Variants in PRKN observed in about 807,000 individuals in gnomAD.
PRKN encodes the protein parkin RBR E3 ubiquitin protein ligase.
Under a neutral mutation model 59.5 loss-of-function variants are expected in PRKN, and 56 were observed. That is an observed-to-expected ratio of 0.94 (90% confidence interval 0.76 to 1.18). The LOEUF (loss-of-function observed/expected upper bound fraction) is 1.18, where lower values mean the gene tolerates loss of function less well. Ranked by LOEUF, PRKN falls within the 50% of genes most tolerant of loss-of-function variation. The probability of loss-of-function intolerance (pLI) is 0.00; values close to 1 mark genes in which losing one functional copy is unlikely to be tolerated. For missense variants in PRKN, 657 were observed against 596.4 expected (o/e 1.10, Z -1.06); for synonymous variants, 250 against 222.1 (o/e 1.13, Z -1.12).
At chr6:161,757,814 G>T (rs1374169894) in intron 7 of PRKN, among the ~76,000 whole-genome samples, 1 of 86,138 alleles carries the variant, frequency 1.2e-5, no homozygotes, top group Non-Finnish European at 2.4e-5. Flanking sequence ...CTCCAGCCTG[G>T]GCAATAGAGC....
intron 7 of PRKN, among the ~76,000 whole-genome samples, chr6:161,757,020 GA>G (rs375599190): frequency 6.6e-6 from 1 of 151,946 alleles, no homozygotes; most frequent in Non-Finnish European, 1.5e-5. Context: ...GATGCTGTTT[GA>G]AAAAAATAAA....
At chr6:161,828,324 C>T (rs1583215398) in intron 6 of PRKN, among the ~76,000 whole-genome samples, 1 of 152,298 alleles carries the variant, frequency 6.6e-6, no homozygotes, top group South Asian at 2.1e-4. Flanking sequence ...ACATAAAGCA[C>T]CAAAATATTT....
intron 2 of PRKN, among the ~76,000 whole-genome samples, chr6:162,269,018 G>C (rs1780256754): frequency 7.2e-6 from 1 of 138,068 alleles, no homozygotes; most frequent in South Asian, 2.4e-4. Flanking sequence ...AAACAAAAAG[G>C]ATGAAAGTAA....
Position 162,510,496 on chromosome 6 carries a change from G to C in PRKN, c.8-67023C>G, listed in dbSNP as rs569150415. On this transcript the variant is annotated intron_variant, in intron 1 of 11. Coordinates refer to ENST00000366898, the MANE Select transcript of PRKN (RefSeq NM_004562.3). ...GGCCTCCTTGGCCAGCTGCACCGAG[G>C]AAGCAGGGACTGCTCTCTGGGGAGC... 5.9e-5 allele frequency among the ~76,000 whole-genome samples: 9 copies of C among 152,328 alleles called. 1 individual carries two copies. The highest frequency in any genetic ancestry group is 2.2e-4 in the African/African-American group (9 of 41,588).
chr6:161,833,887 C>T (rs543772318), intron 6 of PRKN, among the ~76,000 whole-genome samples: 1 of 152,252 alleles, frequency 6.6e-6, no homozygotes, highest in African/African-American at 2.4e-5. Context: ...TTAGATTATA[C>T]ATGTAGTTTT....
At chr6:162,374,867 A>G (rs1315470236) in intron 2 of PRKN, among the ~76,000 whole-genome samples, 2 of 152,158 alleles carry the variant, frequency 1.3e-5, no homozygotes, top group Non-Finnish European at 2.9e-5. Flanking sequence ...AATCAATTAA[A>G]ATTGAAGAGT....
At chr6:161,840,964 T>C (rs1792961845) in intron 6 of PRKN, among the ~76,000 whole-genome samples, 1 of 152,164 alleles carries the variant, frequency 6.6e-6, no homozygotes, top group African/African-American at 2.4e-5. Flanking sequence ...TATACACTGC[T>C]GATGGGATTG....
intron 4 of PRKN, among the ~76,000 whole-genome samples, chr6:162,110,821 A>G (rs1468860449): frequency 6.6e-6 from 1 of 152,202 alleles, no homozygotes; most frequent in Non-Finnish European, 1.5e-5. Flanking sequence ...GATGTAATGT[A>G]AAGTACACAC....
intron 7 of PRKN, among the ~76,000 whole-genome samples, chr6:161,614,808 C>A (rs1782627392): frequency 6.6e-6 from 1 of 152,218 alleles, no homozygotes; most frequent in Non-Finnish European, 1.5e-5. Context: ...ACTCTCCTTT[C>A]CCCCACCCTT....
At chr6:161,900,633 CTATATAT>C (rs555309773) in intron 6 of PRKN, among the ~76,000 whole-genome samples, 5,737 of 101,512 alleles carry the variant, frequency 0.057, 353 homozygotes, top group East Asian at 0.38. Flanking sequence ...CTATAATATA[CTATATAT>C]TATATATTAT....
chr6:162,320,292 T>C (rs189953679), intron 2 of PRKN, among the ~76,000 whole-genome samples: 1 of 148,936 alleles, frequency 6.7e-6, no homozygotes. Flanking sequence ...ATCTTCTTGA[T>C]GTAATGATTT....
At chr6:162,036,070 A>G (rs2128280527) in intron 5 of PRKN, among the ~76,000 whole-genome samples, 1 of 152,030 alleles carries the variant, frequency 6.6e-6, no homozygotes, top group South Asian at 2.1e-4. Flanking sequence ...CACGCCTGTA[A>G]TCCCAGCACT....
At chr6:161,768,078 T>C (rs200895920) in intron 7 of PRKN, among the ~76,000 whole-genome samples, 1 of 32,578 alleles carries the variant, frequency 3.1e-5, no homozygotes, top group Non-Finnish European at 8.4e-5. Flanking sequence ...TCTAATTAAG[T>C]TTTTTTTTTT....
intron 2 of PRKN, among the ~76,000 whole-genome samples, chr6:162,390,490 G>A (rs1170971597): frequency 4.7e-5 from 7 of 150,372 alleles, no homozygotes. Context: ...CACCCAGTCT[G>A]GAGTGCACTG....
chr6:161,589,522 C>T (rs1029654311), intron 7 of PRKN, among the ~76,000 whole-genome samples: 4 of 151,058 alleles, frequency 2.6e-5, no homozygotes, highest in Non-Finnish European at 5.9e-5. Flanking sequence ...TGATCTCCCT[C>T]TTCAGGTAGA....
At chr6:161,764,777 A>T (rs1250896894) in intron 7 of PRKN, among the ~76,000 whole-genome samples, 1 of 152,186 alleles carries the variant, frequency 6.6e-6, no homozygotes, top group East Asian at 1.9e-4. Flanking sequence ...TTTCAATTCA[A>T]AGTACTTGGT....
intron 9 of PRKN, among the ~76,000 whole-genome samples, chr6:161,476,059 C>T (rs956632026): frequency 5.3e-5 from 8 of 151,538 alleles, no homozygotes; most frequent in Non-Finnish European, 1.0e-4. Context: ...TGGTGGCGGG[C>T]GCCTGTAGTC....
chr6:162,236,898 G>GGGAA lies in PRKN; in HGVS notation c.412+25623_412+25626dup, dbSNP rs374375748. On this transcript the variant is annotated intron_variant, in intron 3 of 11. Coordinates refer to ENST00000366898, the MANE Select transcript of PRKN (RefSeq NM_004562.3). ...AATGGGAGAGAGAGAGAGAGAAGGA[G>GGGAA]GGAAGGAAGGAAGGAAGGAGAGAGA... 1.3e-3 allele frequency among the ~76,000 whole-genome samples: 189 copies of GGGAA among 150,576 alleles called. 1 individual carries two copies. The highest frequency in any genetic ancestry group is 4.2e-3 in the African/African-American group (172 of 40,990).
At chr6:162,514,635 A>G (rs1444077117) in intron 1 of PRKN, among the ~76,000 whole-genome samples, 1 of 152,168 alleles carries the variant, frequency 6.6e-6, no homozygotes, top group East Asian at 1.9e-4. Context: ...ACAGAACAAG[A>G]GTTCTCAGTT....
Sources: gnomAD v4.1 joint callset for allele counts (sites outside exome capture counted in the v4.1 genomes callset) on GRCh38, gnomAD v4.1.1 for gene constraint, MANE v1.5 for transcripts, NCBI Gene and HGNC (gene_info 2026-07-23, HGNC 2026-07-21) for gene names.